The following LRRC7 variants were observed in gnomAD, a reference collection of about 807,000 sequenced individuals.
LRRC7 encodes leucine-rich repeat-containing protein 7.
Under a neutral mutation model 175.7 loss-of-function variants are expected in LRRC7, and 23 were observed. The observed-to-expected ratio is 0.13, with a 90% CI of 0.09 to 0.19. LRRC7 has a LOEUF of 0.19. LRRC7 is among the 10% of genes least tolerant of loss of function. LRRC7 has a pLI of 1.00. For synonymous variants in LRRC7, 685 were observed against 680.9 expected (o/e 1.01, Z -0.09); for missense variants, 1,354 against 1,904.7 (o/e 0.71, Z 5.38).
chr1:69,865,664 T>C (rs1022301129), intron 7 of LRRC7, among the ~76,000 whole-genome samples: 2 of 151,584 alleles, frequency 1.3e-5, no homozygotes, highest in African/African-American at 2.4e-5. Context: ...GTGTTTTTAG[T>C]AGAGACGGGG....
At chr1:69,608,393 G>A (rs960924213) in intron 1 of LRRC7, 4 of 152,046 alleles carry the variant, frequency 2.6e-5, no homozygotes, top group African/African-American at 9.7e-5. Context: ...CCAAGACTAT[G>A]GCATCATCTC....
intron 4 of LRRC7, among the ~76,000 whole-genome samples, chr1:69,798,017 G>T (rs1231926240): frequency 6.6e-6 from 1 of 152,056 alleles, no homozygotes; most frequent in Non-Finnish European, 1.5e-5. Context: ...TGCCTCTCAG[G>T]TTCAAGAGAT....
intron 10 of LRRC7, among the ~76,000 whole-genome samples, chr1:69,992,748 A>C (rs1654562004): frequency 6.6e-6 from 1 of 152,128 alleles, no homozygotes; most frequent in Non-Finnish European, 1.5e-5. Context: ...CACTTAACAA[A>C]AGTTTCTTGT....
At chr1:70,033,885 C>A (rs1195139317) in intron 18 of LRRC7, among the ~76,000 whole-genome samples, 1 of 151,802 alleles carries the variant, frequency 6.6e-6, no homozygotes, top group East Asian at 1.9e-4. Context: ...AACAAAATTC[C>A]CATTCTTGTA....
chr1:69,715,307 A>G (rs540663600), intron 2 of LRRC7, among the ~76,000 whole-genome samples: 1 of 152,330 alleles, frequency 6.6e-6, no homozygotes, highest in South Asian at 2.1e-4. Context: ...TTATACATTT[A>G]ATGATTATAT....
At chr1:70,053,611 A>G (rs1450452524) in intron 23 of LRRC7, among the ~76,000 whole-genome samples, 1 of 152,124 alleles carries the variant, frequency 6.6e-6, no homozygotes, top group Non-Finnish European at 1.5e-5. Context: ...CAAAAATGAA[A>G]AAGACAGTTT....
intron 8 of LRRC7, among the ~76,000 whole-genome samples, chr1:69,939,037 A>ATATATATATATATATATATC (rs1557911148): frequency 1.2e-5 from 1 of 80,938 alleles, no homozygotes; most frequent in African/African-American, 3.9e-5. Context: ...ATATCTATAT[A>ATATATATATATATATATATC]TATCTATATC....
intron 7 of LRRC7, among the ~76,000 whole-genome samples, chr1:69,843,327 G>T (rs1450957166): frequency 1.3e-5 from 2 of 152,056 alleles, no homozygotes; most frequent in African/African-American, 2.4e-5. Flanking sequence ...GTTCATTGAA[G>T]AAGATTTTTT....
In LRRC7 at chr1:69,709,769, A is replaced by G. The variant is rs139922134; in HGVS notation, c.100+31291A>G. Among the ~76,000 whole-genome samples the G allele has an allele frequency of 8.5e-5, 13 of 152,356 alleles. No individual in the cohort carries two copies. In the East Asian group the frequency reaches 2.1e-3, roughly 25 times the overall value. On this transcript the variant is annotated intron_variant, in intron 2 of 26. Transcript: ENST00000651989. ...GACTTCACTTCTGTTTCAGAAATGC[A>G]TAAGAAATATTGAGTATGAGTTATA...
chr1:69,759,183 A>T (rs1033191920), intron 2 of LRRC7, among the ~76,000 whole-genome samples: 1 of 152,020 alleles, frequency 6.6e-6, no homozygotes, highest in East Asian at 1.9e-4. Context: ...TCAAGCAATT[A>T]TCAGTAGCTG....
intron 7 of LRRC7, among the ~76,000 whole-genome samples, chr1:69,840,642 T>C (rs1409412738): frequency 6.6e-6 from 1 of 152,010 alleles, no homozygotes; most frequent in Non-Finnish European, 1.5e-5. Context: ...TCTAGGATAA[T>C]TTTTTTCAGT....
chr1:69,737,456 T>C (rs527718263), intron 2 of LRRC7, among the ~76,000 whole-genome samples: 1 of 152,262 alleles, frequency 6.6e-6, no homozygotes, highest in South Asian at 2.1e-4. Flanking sequence ...AAATCTCTTT[T>C]TCTTTATAAA....
intron 3 of LRRC7, among the ~76,000 whole-genome samples, chr1:69,782,150 T>G (rs534180126): frequency 1.3e-5 from 2 of 152,122 alleles, no homozygotes; most frequent in Non-Finnish European, 2.9e-5. Context: ...CAAAGTGTAG[T>G]TTAATCACTT....
chr1:70,028,037 T>C (rs1658311120), intron 17 of LRRC7, 134 bp from the exon 18 acceptor site: 2 of 760,636 alleles, frequency 2.6e-6, no homozygotes. Context: ...TCCTACTCTA[T>C]AACAGAGTTT....
At chr1:69,672,407 T>A (rs1237392126) in intron 1 of LRRC7, among the ~76,000 whole-genome samples, 1 of 152,204 alleles carries the variant, frequency 6.6e-6, no homozygotes, top group Non-Finnish European at 1.5e-5. Flanking sequence ...CACAACCCAC[T>A]TCATAGTTAA....
intron 3 of LRRC7, among the ~76,000 whole-genome samples, chr1:69,781,786 AAAGGAAGGAAGGAAGG>A (rs771907811): frequency 0.035 from 997 of 28,220 alleles, 94 homozygotes; most frequent in African/African-American, 0.045. Context: ...AGAAAGAAAG[AAAGGAAGGAAGGAAGG>A]AAGGAAGGAA....
intron 7 of LRRC7, among the ~76,000 whole-genome samples, chr1:69,927,283 T>G (rs1040766763): frequency 2.5e-4 from 38 of 152,132 alleles, no homozygotes; most frequent in Non-Finnish European, 3.4e-4. Flanking sequence ...ACAATTATGT[T>G]TCTTGGAGTT....
chr1:69,944,384 A>G (rs1649081218), intron 8 of LRRC7, among the ~76,000 whole-genome samples: 1 of 152,116 alleles, frequency 6.6e-6, no homozygotes, highest in South Asian at 2.1e-4. Flanking sequence ...ATCAATGGAC[A>G]TGTAAGACAT....
chr1:69,668,256 A>T (rs1197268487), intron 1 of LRRC7, among the ~76,000 whole-genome samples: 1 of 152,066 alleles, frequency 6.6e-6, no homozygotes, highest in Admixed American at 6.6e-5. Context: ...TCAACCCATC[A>T]TCTACATTAG....
Sources: allele counts gnomAD v4.1 joint callset (sites outside exome capture counted in the v4.1 genomes callset), GRCh38; gene constraint gnomAD v4.1.1; transcripts MANE v1.5; gene names NCBI Gene and HGNC (gene_info 2026-07-23, HGNC 2026-07-21).